SDK1: variants seen among roughly 807,000 people sequenced by gnomAD.
SDK1 encodes the protein sidekick cell adhesion molecule 1, also known as protein sidekick-1.
Under a neutral mutation model 245.5 loss-of-function variants are expected in SDK1, and 157 were observed. The observed-to-expected ratio is 0.64, with a 90% confidence interval of 0.56 to 0.73. The LOEUF is 0.73. Ranked by LOEUF, SDK1 falls within the 30% of genes least tolerant of loss-of-function variation. The pLI is 0.00. For missense variants in SDK1, 3,583 were observed against 3,002.3 expected, an observed-to-expected ratio of 1.19 and a Z score of -4.52; for synonymous variants, 1,647 against 1,278.5, an observed-to-expected ratio of 1.29 and a Z score of -6.15.
intron 44 of SDK1, among the ~76,000 whole-genome samples, chr7:4,256,703 A>G (rs983790625): frequency 6.6e-6 from 1 of 152,164 alleles, no homozygotes; most frequent in Non-Finnish European, 1.5e-5. Context: ...TTGACACAGC[A>G]TTTTTGTTGG....
chr7:4,034,728 C>G (rs1293224212), intron 17 of SDK1, among the ~76,000 whole-genome samples: 1 of 152,140 alleles, frequency 6.6e-6, no homozygotes. Context: ...CAAGCCTATT[C>G]GCTGCAACAC....
At chr7:3,830,793 G>A (rs1005398404) in intron 5 of SDK1, among the ~76,000 whole-genome samples, 2 of 152,090 alleles carry the variant, frequency 1.3e-5, no homozygotes, top group Non-Finnish European at 2.9e-5. Context: ...CACTGCACCT[G>A]GCCTAACAAT....
At chr7:3,831,354 A>G (rs1283061994) in intron 5 of SDK1, among the ~76,000 whole-genome samples, 1 of 152,190 alleles carries the variant, frequency 6.6e-6, no homozygotes, top group Non-Finnish European at 1.5e-5. Context: ...CCTTCCCAGT[A>G]TGATTTTTCC....
intron 1 of SDK1, among the ~76,000 whole-genome samples, chr7:3,339,690 G>A (rs887504375): frequency 1.3e-5 from 2 of 152,008 alleles, no homozygotes; most frequent in African/African-American, 4.8e-5. Flanking sequence ...ACATAAAAAT[G>A]AAAATATGTT....
chr7:3,836,188 A>G (rs1278896752), intron 5 of SDK1, among the ~76,000 whole-genome samples: 1 of 152,246 alleles, frequency 6.6e-6, no homozygotes, highest in Non-Finnish European at 1.5e-5. Flanking sequence ...CATGTTTTGC[A>G]AGCTCAACAT....
chr7:3,989,044 C>T lies in SDK1; in HGVS notation c.2131+1722C>T, dbSNP rs190274851. Among the ~76,000 whole-genome samples, 820 of 152,330 alleles carry T rather than the reference C, an allele frequency of 5.4e-3. 7 individuals are homozygous for T. The highest frequency in any genetic ancestry group is 0.019 in the African/African-American group (771 of 41,576). ...TGCTGGGATTACAGGCATGAGCCAC[C>T]GCGCCTGGCGTCCAGTTTAACCTTT... On this transcript the variant is annotated intron_variant, in intron 14 of 44. Transcript: ENST00000404826.
intron 13 of SDK1, 58 bp downstream of exon 13, chr7:3,974,603 C>T: frequency 2.0e-6 from 3 of 1,510,076 alleles, no homozygotes; most frequent in Admixed American, 1.7e-5. Flanking sequence ...TACTGTGCCC[C>T]TGTTAGTGAC....
In SDK1 at chr7:3,422,927, T is replaced by C. The variant is rs1447560329; in HGVS notation, c.298+121043T>C. 2.0e-5 allele frequency among the ~76,000 whole-genome samples: 3 copies of C among 152,244 alleles called. No homozygotes were observed. In the East Asian group the frequency reaches 5.8e-4, roughly 29 times the overall value. ...AGTACTTAATATTGTTACCTCATTT[T>C]ACCCTGTATATCAGAGATATTAATG... On this transcript the variant is annotated intron_variant, in intron 1 of 44. Transcript: ENST00000404826.
chr7:4,076,097 G>A (rs1292043609), intron 20 of SDK1, among the ~76,000 whole-genome samples: 2 of 152,192 alleles, frequency 1.3e-5, no homozygotes, highest in Non-Finnish European at 2.9e-5. Context: ...GAGAGAGCTA[G>A]AAGCAAAACT....
chr7:3,608,266 C>G (rs1419302170), intron 1 of SDK1, among the ~76,000 whole-genome samples: 2 of 152,200 alleles, frequency 1.3e-5, no homozygotes, highest in Admixed American at 6.5e-5. Flanking sequence ...ATAAACTCTT[C>G]TGCTGTACGC....
rs17134311 is a variant in SDK1 at position 4,067,215 on chromosome 7, C to T, written c.2912-623C>T. Among the ~76,000 whole-genome samples, 219 of 152,328 alleles carry T rather than the reference C, an allele frequency of 1.4e-3. 5 individuals are homozygous for T. The East Asian group carries it at 0.036, about 25-fold the overall frequency. On this transcript the variant is annotated intron_variant, in intron 19 of 44. Coordinates refer to ENST00000404826, the MANE Select transcript of SDK1 (RefSeq NM_152744.4). ...GTCTGACACCCAGCTTGGACGCCAG[C>T]GTTCAAGCGTAACTCTGCGGCTCTG...
At chr7:4,078,483 C>G (rs1028536157) in intron 21 of SDK1, among the ~76,000 whole-genome samples, 5 of 152,188 alleles carry the variant, frequency 3.3e-5, no homozygotes, top group Admixed American at 3.3e-4. Context: ...CATGCCGATA[C>G]TGAATTGATC....
chr7:3,770,917 C>G (rs141721854), intron 4 of SDK1, among the ~76,000 whole-genome samples: 25 of 152,186 alleles, frequency 1.6e-4, no homozygotes, highest in African/African-American at 5.3e-4. Flanking sequence ...TCTTTGTTGC[C>G]ATCTTCCTCC....
intron 17 of SDK1, among the ~76,000 whole-genome samples, chr7:4,035,827 C>G (rs182291238): frequency 3.3e-5 from 5 of 152,030 alleles, no homozygotes; most frequent in Admixed American, 1.3e-4. Flanking sequence ...TCAACATGGC[C>G]TTGTCAAAAA....
At chr7:4,037,966 T>C (rs1370364798) in intron 17 of SDK1, among the ~76,000 whole-genome samples, 3 of 152,210 alleles carry the variant, frequency 2.0e-5, no homozygotes, top group South Asian at 2.1e-4. Context: ...CCCAGCAGTT[T>C]GTCTGGTATA....
At chr7:3,348,164 G>A (rs1258368406) in intron 1 of SDK1, among the ~76,000 whole-genome samples, 1 of 152,124 alleles carries the variant, frequency 6.6e-6, no homozygotes, top group Non-Finnish European at 1.5e-5. Context: ...GATGCACTTA[G>A]GTTTTAATGC....
At chr7:3,908,904 A>G (rs1158119378) in intron 5 of SDK1, among the ~76,000 whole-genome samples, 2 of 150,596 alleles carry the variant, frequency 1.3e-5, no homozygotes, top group Non-Finnish European at 2.9e-5. Flanking sequence ...GGACTCTCCT[A>G]CTTCCCTAGG....
chr7:4,035,374 T>C (rs1216715192), intron 17 of SDK1, among the ~76,000 whole-genome samples: 1 of 152,212 alleles, frequency 6.6e-6, no homozygotes, highest in Non-Finnish European at 1.5e-5. Flanking sequence ...TATACTGAGT[T>C]GGTGGCATAA....
Position 4,052,244 on chromosome 7 carries a change from A to G in SDK1, c.2911+414A>G, listed in dbSNP as rs1200359802. On this transcript the variant is annotated intron_variant, in intron 19 of 44. Coordinates refer to ENST00000404826, the MANE Select transcript of SDK1 (RefSeq NM_152744.4). ...AGGGTCCTTTTCCCCACGCCCTTCT[A>G]AGCTCCCTGAGTTTGCATTACCTCC... Among the ~76,000 whole-genome samples, 4 of 144,970 alleles carry G rather than the reference A, an allele frequency of 2.8e-5. No homozygotes were observed. The East Asian group carries it at 8.2e-4, about 30-fold the overall frequency.
Sources: allele counts gnomAD v4.1 joint callset (sites outside exome capture counted in the v4.1 genomes callset), GRCh38; gene constraint gnomAD v4.1.1; transcripts MANE v1.5; gene names NCBI Gene and HGNC (gene_info 2026-07-23, HGNC 2026-07-21).